Variants in CROT observed in about 807,000 individuals in gnomAD.
CROT encodes carnitine O-octanoyltransferase.
Under a neutral mutation model 89.2 loss-of-function variants are expected in CROT, and 84 were observed. That is an observed-to-expected ratio of 0.94 (90% CI 0.79 to 1.13). The LOEUF (loss-of-function observed/expected upper bound fraction) is 1.13. Ranked by LOEUF, CROT falls within the 50% of genes most tolerant of loss-of-function variation. The probability of loss-of-function intolerance (pLI) is 0.00; values close to 1 mark genes in which losing one functional copy is unlikely to be tolerated. For missense variants in CROT, 711 were observed against 727.8 expected, an observed-to-expected ratio of 0.98 and a Z score of 0.27; for synonymous variants, 212 against 239.5, an observed-to-expected ratio of 0.89 and a Z score of 1.06.
chr7:87,389,729 A>C (rs1250156685), intron 13 of CROT, among the ~76,000 whole-genome samples: 1 of 152,166 alleles, frequency 6.6e-6, no homozygotes, highest in Non-Finnish European at 1.5e-5. Context: ...TATGTAATAA[A>C]CCTGCACATT....
intron 6 of CROT, among the ~76,000 whole-genome samples, chr7:87,368,703 A>C (rs1277907805): frequency 6.6e-6 from 1 of 152,128 alleles, no homozygotes; most frequent in African/African-American, 2.4e-5. Flanking sequence ...TTTTCTTAGA[A>C]GGTAGGGGCA....
intron 16 of CROT, 37 bp downstream of exon 16, chr7:87,392,860 G>A (rs1270834460): frequency 1.2e-6 from 2 of 1,608,546 alleles, no homozygotes; most frequent in Non-Finnish European, 1.7e-6. Context: ...TCATCAATTG[G>A]CTTCCTCTTT....
At chr7:87,379,436 T>G (rs1440720470) in intron 10 of CROT, among the ~76,000 whole-genome samples, 1 of 152,204 alleles carries the variant, frequency 6.6e-6, no homozygotes, top group Non-Finnish European at 1.5e-5. Flanking sequence ...AGTAAGTCAA[T>G]CTCATCAAGA....
chr7:87,383,699 G>A (rs2116055574), intron 13 of CROT, among the ~76,000 whole-genome samples: 1 of 152,152 alleles, frequency 6.6e-6, no homozygotes, highest in Non-Finnish European at 1.5e-5. Context: ...GTTTCGTCGT[G>A]TTGGCCAGGC....
rs552010365 is a variant in CROT, at chr7:87,361,547, T to C, written c.398T>C (p.Leu133Ser). 3.1e-6 allele frequency: 5 copies of C among 1,598,186 alleles called. No individual in the cohort carries two copies. In the African/African-American group the frequency reaches 4.0e-5, roughly 13 times the overall value. ...ERGSITLWHN[L>S]NYWQLLRKEK... ...GGAAGTATAACTCTTTGGCATAACTTGAACTACTGGCAGCTATTAAGAAAG... is the reference window on the plus strand; with the variant it reads ...GGAAGTATAACTCTTTGGCATAACTCGAACTACTGGCAGCTATTAAGAAAG... The change falls in exon 5 of 18, where the codon TTG becomes TCG. Residue 133 changes from leucine (L) to serine (S), a missense_variant. Transcript: ENST00000331536.
intron 3 of CROT, among the ~76,000 whole-genome samples, chr7:87,358,791 C>A (rs1806181600): frequency 6.6e-6 from 1 of 152,086 alleles, no homozygotes; most frequent in Non-Finnish European, 1.5e-5. Context: ...CAAGCACACT[C>A]ATTATCAACT....
intron 13 of CROT, among the ~76,000 whole-genome samples, chr7:87,384,445 T>A (rs1217662037): frequency 6.6e-6 from 1 of 152,168 alleles, no homozygotes; most frequent in Non-Finnish European, 1.5e-5. Context: ...GGCACGAGAA[T>A]CCCTTGAACC....
At chr7:87,360,544 T>G (rs896007845) in intron 4 of CROT, among the ~76,000 whole-genome samples, 7 of 152,314 alleles carry the variant, frequency 4.6e-5, no homozygotes, top group South Asian at 2.1e-4. Flanking sequence ...TTTTGCCATG[T>G]TGGCCAGGCT....
chr7:87,392,475 A>T, intron 14 of CROT, 91 bp from the exon 15 acceptor site: 1 of 929,474 alleles, frequency 1.1e-6, no homozygotes, highest in Non-Finnish European at 1.7e-6. Flanking sequence ...CTCCCAAATT[A>T]CCCCAATCCT....
intron 10 of CROT, among the ~76,000 whole-genome samples, chr7:87,378,657 A>G (rs1004427226): frequency 8.5e-5 from 13 of 152,156 alleles, no homozygotes; most frequent in South Asian, 2.1e-4. Context: ...TTTGTTTCCA[A>G]TGGTTACAGC....
intron 13 of CROT, among the ~76,000 whole-genome samples, chr7:87,388,550 T>C (rs1293133890): frequency 6.6e-6 from 1 of 152,170 alleles, no homozygotes; most frequent in African/African-American, 2.4e-5. Flanking sequence ...TAATAAACGA[T>C]GTTGGGAAAA....
chr7:87,346,548 G>A (rs1282699289), intron 2 of CROT, 118 bp downstream of exon 2: 2 of 152,140 alleles, frequency 1.3e-5, no homozygotes, highest in Non-Finnish European at 2.9e-5. Flanking sequence ...TTTTCTTAGT[G>A]CTATTGGAAC....
At chr7:87,349,007 T>A in intron 2 of CROT, 41 bp from the exon 3 acceptor site, 1 of 836,016 alleles carries the variant, frequency 1.2e-6, no homozygotes, top group Non-Finnish European at 2.0e-6. Flanking sequence ...TAACACTATC[T>A]ATGAGATTGA....
intron 7 of CROT, among the ~76,000 whole-genome samples, chr7:87,371,220 T>C (rs1256419772): frequency 6.6e-6 from 1 of 152,200 alleles, no homozygotes; most frequent in Non-Finnish European, 1.5e-5. Context: ...TACGTTTGTA[T>C]TTATAGTCTT....
chr7:87,354,317 C>A, intron 3 of CROT: 2 of 509,308 alleles, frequency 3.9e-6, no homozygotes. Flanking sequence ...AAGAAAAATT[C>A]TGCAGTGTGA....
At chr7:87,395,718 T>C (rs1487718826) in intron 17 of CROT, among the ~76,000 whole-genome samples, 1 of 152,168 alleles carries the variant, frequency 6.6e-6, no homozygotes, top group African/African-American at 2.4e-5. Flanking sequence ...TTAAAGTTGT[T>C]TTGATTTTGG....
chr7:87,355,878 C>T (rs757034170), intron 3 of CROT, among the ~76,000 whole-genome samples: 6 of 152,178 alleles, frequency 3.9e-5, no homozygotes, highest in Non-Finnish European at 8.8e-5. Context: ...GAAGAGACAA[C>T]AAAGAGCACT....
chr7:87,361,323 A>C, intron 4 of CROT, 67 bp from the exon 5 acceptor site: 1 of 1,429,592 alleles, frequency 7.0e-7, no homozygotes, highest in Non-Finnish European at 9.6e-7. Flanking sequence ...TGCTTTTTAA[A>C]ATTCCCAGTA....
Position 87,375,761 on chromosome 7 carries a change from C to T in CROT, c.750+36C>T, listed in dbSNP as rs749428981. 6 of 1,611,986 alleles carry T rather than the reference C, an allele frequency of 3.7e-6. No individual in the cohort carries two copies. In the Admixed American group the frequency reaches 1.0e-4, roughly 27 times the overall value. ...ACACTTTTCTTAACGAAGCTTTTCT[C>T]TAACAAACTCTTTTGATGTATTGTA... is the stretch of plus-strand genomic sequence containing the variant. On this transcript the variant is annotated intron_variant, in intron 8 of 17. Transcript: ENST00000331536.
Sources: gnomAD v4.1 joint callset for allele counts (sites outside exome capture counted in the v4.1 genomes callset) on GRCh38, gnomAD v4.1.1 for gene constraint, MANE v1.5 for transcripts, NCBI Gene and HGNC (gene_info 2026-07-23, HGNC 2026-07-21) for gene names.